CIB1: variants seen among roughly 807,000 people sequenced by gnomAD.
CIB1 encodes calcium and integrin binding 1.
In CIB1, 19 loss-of-function variants were observed where a neutral mutation model predicts 25.0. The ratio of observed to expected loss-of-function variants is 0.76; its 90% CI spans 0.53 to 1.12. The LOEUF is 1.12. Among genes scored for constraint, CIB1 ranks in the 50% most tolerant of loss-of-function variants. The pLI is 0.00. For missense variants in CIB1, 236 were observed against 242.6 expected (o/e 0.97, Z 0.18); for synonymous variants, 104 against 98.5 (o/e 1.06, Z -0.33).
At chr15:90,257,335 T>G in the CIB1 span, 1 of 1,568,736 alleles carries the variant, frequency 6.4e-7, no homozygotes, top group Non-Finnish European at 8.6e-7. Flanking sequence ...GCTGAGGTTC[T>G]CTAGAGAAAC....
chr15:90,237,161 A>C (rs1478914923), upstream of CIB1, among the ~76,000 whole-genome samples: 1 of 151,650 alleles, frequency 6.6e-6, no homozygotes, highest in African/African-American at 2.4e-5. Context: ...GGGTTTCACC[A>C]TATTGGCCAG....
chr15:90,262,737 G>C, the CIB1 span: 2 of 1,373,798 alleles, frequency 1.5e-6, no homozygotes, highest in African/African-American at 2.9e-5. Flanking sequence ...ATAGGGGAAT[G>C]AATCTCTGCT....
chr15:90,239,521 G>T, the CIB1 span, among the ~76,000 whole-genome samples: 1 of 152,132 alleles, frequency 6.6e-6, no homozygotes, highest in Non-Finnish European at 1.5e-5. Flanking sequence ...GATGTGCAGA[G>T]CAAAGAGGGA....
the CIB1 span, chr15:90,253,504 T>C: frequency 1.9e-6 from 1 of 515,498 alleles, no homozygotes; most frequent in Non-Finnish European, 3.4e-6. Flanking sequence ...ACCCCCAGGG[T>C]CTTCTTTTCC....
chr15:90,241,028 G>A, the CIB1 span: 5 of 1,614,022 alleles, frequency 3.1e-6, no homozygotes, highest in African/African-American at 1.3e-5. Context: ...TGGCAGAAGG[G>A]ATTCAGTGGC....
At chr15:90,257,075 G>C in the CIB1 span, 1 of 1,497,572 alleles carries the variant, frequency 6.7e-7, no homozygotes, top group Non-Finnish European at 9.1e-7. Flanking sequence ...GAAGCACTTA[G>C]AACAGCACAT....
At chr15:90,262,888 G>C in the CIB1 span, 1 of 1,434,278 alleles carries the variant, frequency 7.0e-7, no homozygotes, top group African/African-American at 1.4e-5. Context: ...GAGTGGGCAG[G>C]AGGCCTGTAG....
At chr15:90,240,854 G>A in the CIB1 span, 1 of 1,143,378 alleles carries the variant, frequency 8.7e-7, no homozygotes, top group Non-Finnish European at 1.3e-6. Flanking sequence ...ACAATCTCTG[G>A]AGGTGGGTTA....
the CIB1 span, among the ~76,000 whole-genome samples, chr15:90,256,598 TTTCTTTCTTTCC>T: frequency 0.014 from 441 of 31,002 alleles, no homozygotes; most frequent in Non-Finnish European, 0.021. Context: ...TCTTTCTTTC[TTTCTTTCTTTCC>T]TTCCTTCCTT....
At chr15:90,263,773 G>C in the CIB1 span, 1 of 700,622 alleles carries the variant, frequency 1.4e-6, no homozygotes, top group Non-Finnish European at 2.6e-6. Context: ...GGGCAGTCAA[G>C]AACTGAAATC....
the CIB1 span, among the ~76,000 whole-genome samples, chr15:90,255,100 G>A: frequency 1.3e-5 from 2 of 152,240 alleles, no homozygotes; most frequent in South Asian, 2.1e-4. Flanking sequence ...CTGTCCCCCT[G>A]TGCAGACAGG....
the CIB1 span, chr15:90,263,087 A>G: frequency 6.5e-7 from 1 of 1,536,146 alleles, no homozygotes. Flanking sequence ...ATTGTAGAGC[A>G]GCTCACCCGT....
At chr15:90,236,543 T>C (rs1962640174), upstream of CIB1, among the ~76,000 whole-genome samples, 1 of 152,180 alleles carries the variant, frequency 6.6e-6, no homozygotes, top group Admixed American at 6.5e-5. Context: ...TGTAAATTAT[T>C]TTTATTTGTG....
At chr15:90,263,728 C>A in the CIB1 span, 1 of 671,280 alleles carries the variant, frequency 1.5e-6, no homozygotes, top group South Asian at 1.5e-5. Context: ...AGGGGCTGCT[C>A]TTCTCCTCTA....
At chr15:90,263,724 T>G in the CIB1 span, 1 of 665,270 alleles carries the variant, frequency 1.5e-6, no homozygotes, top group Non-Finnish European at 2.8e-6. Context: ...GGTAAGGGGC[T>G]GCTCTTCTCC....
the CIB1 span, chr15:90,258,973 G>C: frequency 6.2e-7 from 1 of 1,613,436 alleles, no homozygotes. Context: ...TTATTCCTGA[G>C]AGTAAAAGTC....
chr15:90,252,523 T>C, the CIB1 span, among the ~76,000 whole-genome samples: 1 of 152,108 alleles, frequency 6.6e-6, no homozygotes, highest in Non-Finnish European at 1.5e-5. Flanking sequence ...TAAAACAGTT[T>C]TTTCAAGGAA....
the CIB1 span, chr15:90,257,039 G>T: frequency 6.9e-6 from 8 of 1,166,760 alleles, no homozygotes; most frequent in African/African-American, 3.1e-5. Context: ...CATGGTTATT[G>T]TGGAAATTCA....
the CIB1 span, chr15:90,241,407 G>T: frequency 1.2e-6 from 2 of 1,613,666 alleles, no homozygotes; most frequent in Non-Finnish European, 8.5e-7. Context: ...GTGGGGCCAC[G>T]TGCTGCTGGT....
Sources: allele counts gnomAD v4.1 joint callset (sites outside exome capture counted in the v4.1 genomes callset), GRCh38; gene constraint gnomAD v4.1.1; transcripts MANE v1.5; gene names NCBI Gene and HGNC (gene_info 2026-07-23, HGNC 2026-07-21).